Variants in FAM227B observed in about 807,000 individuals in gnomAD.
FAM227B encodes the protein family with sequence similarity 227 member B, also known as protein FAM227B.
Under a neutral mutation model 73.8 loss-of-function variants are expected in FAM227B, and 88 were observed. That is an observed-to-expected ratio of 1.19 (90% CI 1.00 to 1.42). The LOEUF (loss-of-function observed/expected upper bound fraction) is 1.42, where lower values mean the gene tolerates loss of function less well. Ranked by LOEUF, FAM227B falls within the 40% of genes most tolerant of loss-of-function variation. The pLI is 0.00. For synonymous variants in FAM227B, 210 were observed against 190.5 expected (o/e 1.10, Z -0.84); for missense variants, 632 against 590.9 (o/e 1.07, Z -0.72).
At chr15:49,478,781 A>T (rs542458493) in intron 11 of FAM227B, among the ~76,000 whole-genome samples, 10 of 152,306 alleles carry the variant, frequency 6.6e-5, no homozygotes, top group South Asian at 4.1e-4. Context: ...AATATTAATG[A>T]TGCTGAGATT....
intron 11 of FAM227B, among the ~76,000 whole-genome samples, chr15:49,495,554 T>C (rs2057525730): frequency 6.6e-6 from 1 of 152,188 alleles, no homozygotes; most frequent in African/African-American, 2.4e-5. Context: ...GTTTCCTCAC[T>C]CCTTAGCTGT....
chr15:49,338,626 G>C (rs1298379965), intron 13 of FAM227B, among the ~76,000 whole-genome samples: 1 of 152,146 alleles, frequency 6.6e-6, no homozygotes, highest in Non-Finnish European at 1.5e-5. Context: ...TTTTTGAGGA[G>C]TATCTTTGTG....
At chr15:49,479,662 G>A (rs2055737898) in intron 11 of FAM227B, among the ~76,000 whole-genome samples, 1 of 130,486 alleles carries the variant, frequency 7.7e-6, no homozygotes, top group African/African-American at 3.1e-5. Flanking sequence ...TGTCCAGGCT[G>A]GAGTGCAATG....
intron 9 of FAM227B, among the ~76,000 whole-genome samples, chr15:49,545,135 CTTT>C (rs150480465): frequency 1.3e-5 from 2 of 151,764 alleles, no homozygotes; most frequent in Non-Finnish European, 2.9e-5. Flanking sequence ...GATCCTCAAA[CTTT>C]TTTTTGGCAA....
intron 11 of FAM227B, chr15:49,489,303 A>T (rs1359468422): frequency 1.0e-6 from 1 of 983,764 alleles, no homozygotes; most frequent in African/African-American, 1.7e-5. Context: ...TTCAGTGGGC[A>T]TCCATTCATC....
intron 11 of FAM227B, among the ~76,000 whole-genome samples, chr15:49,378,432 G>A (rs2046310704): frequency 6.6e-6 from 1 of 151,870 alleles, no homozygotes; most frequent in Non-Finnish European, 1.5e-5. Flanking sequence ...TCCAATCTGT[G>A]AACATTGAAT....
chr15:49,562,613 G>C (rs1311278897), intron 9 of FAM227B, among the ~76,000 whole-genome samples: 1 of 151,804 alleles, frequency 6.6e-6, no homozygotes. Context: ...CAAAATTCTA[G>C]CAAACAAAAT....
chr15:49,463,595 C>A (rs535652610), intron 11 of FAM227B, among the ~76,000 whole-genome samples: 1 of 150,980 alleles, frequency 6.6e-6, no homozygotes, highest in African/African-American at 2.4e-5. Context: ...TGCATAAGTT[C>A]TTAATGGTCT....
At chr15:49,394,011 T>A (rs1034137676) in intron 11 of FAM227B, among the ~76,000 whole-genome samples, 2 of 152,178 alleles carry the variant, frequency 1.3e-5, no homozygotes, top group Non-Finnish European at 2.9e-5. Context: ...AGAATCTTTT[T>A]AAAATGCATC....
At chr15:49,510,302 AG>A (rs1444727217) in intron 10 of FAM227B, among the ~76,000 whole-genome samples, 1 of 152,140 alleles carries the variant, frequency 6.6e-6, no homozygotes, top group Non-Finnish European at 1.5e-5. Flanking sequence ...CAGCTGAACC[AG>A]TTTTCTCTTT....
chr15:49,522,749 A>G (rs1567477070), intron 10 of FAM227B, among the ~76,000 whole-genome samples: 1 of 152,162 alleles, frequency 6.6e-6, no homozygotes, highest in Non-Finnish European at 1.5e-5. Flanking sequence ...AAAAGAAAGA[A>G]TTTTTTAAAA....
intron 13 of FAM227B, among the ~76,000 whole-genome samples, chr15:49,361,023 G>C (rs964295075): frequency 6.6e-6 from 1 of 152,050 alleles, no homozygotes; most frequent in African/African-American, 2.4e-5. Flanking sequence ...TACCTGTGGG[G>C]TTGCGGAATA....
chr15:49,511,194 A>G (rs1463694569), intron 10 of FAM227B, among the ~76,000 whole-genome samples: 2 of 152,136 alleles, frequency 1.3e-5, no homozygotes, highest in African/African-American at 4.8e-5. Flanking sequence ...GTCAAAAACA[A>G]AAAGGCTTCT....
In FAM227B at chr15:49,506,431, G is replaced by A. The variant is rs144958738; in HGVS notation, c.1012+1780C>T. The stretch of plus-strand genomic sequence containing the variant: ...GGCTACAGTTAGCTGACTTGATACA[G>A]AAGATCTGAATAATACTATTAGCCA... On this transcript the variant is annotated intron_variant, in intron 11 of 15. Coordinates refer to ENST00000299338, the MANE Select transcript of FAM227B (RefSeq NM_152647.3). 2.0e-3 allele frequency among the ~76,000 whole-genome samples: 301 copies of A among 152,080 alleles called. 1 individual carries two copies. The highest frequency in any genetic ancestry group is 6.9e-3 in the African/African-American group (288 of 41,546).
intron 11 of FAM227B, among the ~76,000 whole-genome samples, chr15:49,396,808 A>G (rs1222975161): frequency 6.6e-6 from 1 of 151,382 alleles, no homozygotes; most frequent in African/African-American, 2.4e-5. Context: ...AAGGAAAACT[A>G]ACAAACAGAA....
At chr15:49,340,677 G>C (rs1414649297) in intron 13 of FAM227B, among the ~76,000 whole-genome samples, 1 of 152,130 alleles carries the variant, frequency 6.6e-6, no homozygotes, top group Admixed American at 6.5e-5. Context: ...TTTGTTGGAT[G>C]CATAGTTTGT....
intron 10 of FAM227B, among the ~76,000 whole-genome samples, chr15:49,535,093 GAAAC>G (rs1329457419): frequency 6.6e-6 from 1 of 151,086 alleles, no homozygotes; most frequent in Non-Finnish European, 1.5e-5. Context: ...AAACAGAACA[GAAAC>G]AAAGCAAATA....
rs540614908 is a variant in FAM227B at position 49,346,165 on chromosome 15, C to T, written c.1272-10669G>A. ...TCCATAGTTCACCAAAACAACACTT[C>T]CGTTGTTTTTCAGAAACTTGGGCCA... On this transcript the variant is annotated intron_variant, in intron 13 of 15. Transcript: ENST00000299338. Among the ~76,000 whole-genome samples the T allele has an allele frequency of 6.5e-4, 99 of 152,118 alleles. 3 individuals carry two copies. In the South Asian group the frequency reaches 0.02, roughly 31 times the overall value.
chr15:49,533,019 C>T (rs1399788728), intron 10 of FAM227B, among the ~76,000 whole-genome samples: 1 of 151,650 alleles, frequency 6.6e-6, no homozygotes, highest in Non-Finnish European at 1.5e-5. Flanking sequence ...TTTGTGTGTC[C>T]CCCCCACACT....
Sources: gnomAD v4.1 joint callset for allele counts (sites outside exome capture counted in the v4.1 genomes callset) on GRCh38, gnomAD v4.1.1 for gene constraint, MANE v1.5 for transcripts, NCBI Gene and HGNC (gene_info 2026-07-23, HGNC 2026-07-21) for gene names.